LONRF1: variants seen among roughly 807,000 people sequenced by gnomAD.
LONRF1 encodes LON peptidase N-terminal domain and RING finger protein 1.
In LONRF1, 37 loss-of-function variants were observed where a neutral mutation model predicts 85.8. The ratio of observed to expected loss-of-function variants is 0.43; its 90% confidence interval spans 0.33 to 0.57. The LOEUF (loss-of-function observed/expected upper bound fraction) is 0.57. Among genes scored for constraint, LONRF1 ranks in the 20% least tolerant of loss-of-function variants. The probability of loss-of-function intolerance (pLI) is 0.04; values close to 1 mark genes in which losing one functional copy is unlikely to be tolerated. For synonymous variants in LONRF1, 517 were observed against 390.1 expected (o/e 1.33, Z -3.83); for missense variants, 1,036 against 978.0 (o/e 1.06, Z -0.79).
chr8:12,743,070 C>A (rs1164749531), intron 2 of LONRF1, 94 bp downstream of exon 2: 22 of 794,282 alleles, frequency 2.8e-5, no homozygotes, highest in Non-Finnish European at 4.4e-5. Context: ...TGGAGTCAAC[C>A]ATCTACTTTG....
chr8:12,725,945 G>A lies in LONRF1; in HGVS notation c.2011-66C>T, dbSNP rs550970713. Reference sequence around the variant, plus strand: ...CCCGTCCATATGCCATATGCCAACCGACACAAATGGAAAAAGGGATCAGAA... The same window carrying A: ...CCCGTCCATATGCCATATGCCAACCAACACAAATGGAAAAAGGGATCAGAA... On this transcript the variant is annotated intron_variant, in intron 10 of 11. Transcript: ENST00000398246. 124 of 1,447,942 alleles carry A rather than the reference G, an allele frequency of 8.6e-5. 2 individuals carry two copies. The South Asian group carries it at 9.8e-4, about 11-fold the overall frequency. The allele number at this position is 1,447,942 out of a possible 1,614,324, so 89.7% of individuals were successfully genotyped here.
At chr8:12,738,260 T>C (rs1266451968) in intron 3 of LONRF1, 116 bp from the exon 4 acceptor site, 10 of 701,276 alleles carry the variant, frequency 1.4e-5, no homozygotes, top group East Asian at 3.1e-5. Flanking sequence ...ATTTTTTTAA[T>C]GAGCAGGAGG....
intron 11 of LONRF1, 68 bp from the exon 12 acceptor site, chr8:12,723,322 C>A: frequency 1.4e-6 from 2 of 1,426,514 alleles, no homozygotes; most frequent in African/African-American, 1.4e-5. Context: ...AGCAAACCAC[C>A]AAAAAATTAC....
chr8:12,727,961 T>C (rs1798383899), intron 10 of LONRF1, among the ~76,000 whole-genome samples: 1 of 152,220 alleles, frequency 6.6e-6, no homozygotes, highest in South Asian at 2.1e-4. Flanking sequence ...ACATTATCTA[T>C]AGGCTCTCAG....
At position 12,755,311 on chromosome 8, in the gene LONRF1, C is replaced by G. The variant is rs1209430545; in HGVS notation, c.110G>C (p.Arg37Pro). 1.6e-6 allele frequency: 2 copies of G among 1,249,834 alleles called. No individual in the cohort carries two copies. Among genetic ancestry groups the G allele is most frequent in the East Asian group, 3.5e-5 (1 of 28,378 alleles). 77.4% of individuals were successfully genotyped at this position (1,249,834 alleles called of 1,614,324 possible). Residue 37 changes from arginine (R) to proline (P), a missense_variant, in exon 1 of 12, where the codon CGG becomes CCG. Transcript: ENST00000398246. ...CGACTCCGCGGCCGCGCGCTCCAGCCGATGGCCGCTGCCGCCGCCCACTTC... is the reference window on the plus strand; with the variant it reads ...CGACTCCGCGGCCGCGCGCTCCAGCGGATGGCCGCTGCCGCCGCCCACTTC... ...FWEVGGGSGHRLERAAAESER... is the reference protein window; with the variant it reads ...FWEVGGGSGHPLERAAAESER...
chr8:12,742,743 T>A (rs1355710314), intron 2 of LONRF1, among the ~76,000 whole-genome samples: 1 of 45,308 alleles, frequency 2.2e-5, no homozygotes, highest in Non-Finnish European at 6.3e-5. Flanking sequence ...ATATTGAACC[T>A]AGATTTTTTT....
chr8:12,748,392 C>T (rs899907224), intron 1 of LONRF1, among the ~76,000 whole-genome samples: 8 of 108,550 alleles, frequency 7.4e-5, no homozygotes, highest in African/African-American at 2.2e-4. Context: ...AGATACGGTA[C>T]CACTATGTTG....
At chr8:12,745,048 G>A (rs1021194667) in intron 1 of LONRF1, among the ~76,000 whole-genome samples, 9 of 151,894 alleles carry the variant, frequency 5.9e-5, no homozygotes, top group African/African-American at 1.2e-4. Context: ...CAGAAGACCC[G>A]TCTTTGAAAA....
chr8:12,754,643 C>T (rs916608910), intron 1 of LONRF1, 57 bp downstream of exon 1: 12 of 1,259,084 alleles, frequency 9.5e-6, no homozygotes, highest in African/African-American at 7.8e-5. Flanking sequence ...GGGTCCCCGG[C>T]CCTCGGGGCC....
At chr8:12,724,558 C>A (rs994004745) in intron 11 of LONRF1, among the ~76,000 whole-genome samples, 1 of 152,102 alleles carries the variant, frequency 6.6e-6, no homozygotes, top group South Asian at 2.1e-4. Context: ...GGGAAAATGA[C>A]GGGTGGTTGC....
At position 12,736,989 on chromosome 8, in the gene LONRF1, T is replaced by C. The variant is rs769598755; in HGVS notation, c.1265A>G (p.Lys422Arg). Reference sequence around the variant, plus strand: ...CAACTTTCTTTTCAGCAGAACACCTTTTTCTTGAACTGACAGAACAGGTTC... The same window carrying C: ...CAACTTTCTTTTCAGCAGAACACCTCTTTCTTGAACTGACAGAACAGGTTC... The part of the protein sequence containing the change: ...SSEPVLSVQE[K>R]GVLLKRKLSL... The change falls in exon 5 of 12, where the codon AAA becomes AGA. Residue 422 changes from lysine (K) to arginine (R), a missense_variant. By Grantham distance (26) the Lys-to-Arg change is conservative. This residue lies in a region of LONRF1 where 742 missense variants were observed against 614.4 expected (regional missense o/e 1.21). Coordinates refer to ENST00000398246, the MANE Select transcript of LONRF1 (RefSeq NM_152271.5). The C allele has an allele frequency of 1.2e-6, 2 of 1,613,640 alleles. No homozygotes were observed. Among genetic ancestry groups the C allele is most frequent in the Admixed American group, 3.3e-5 (2 of 59,966 alleles).
intron 7 of LONRF1, among the ~76,000 whole-genome samples, chr8:12,735,056 AT>A (rs909275324): frequency 5.3e-5 from 8 of 152,094 alleles, no homozygotes; most frequent in Admixed American, 2.6e-4. Context: ...AAAAAAAAAA[AT>A]TAAGTACAAG....
At chr8:12,753,448 T>A (rs1043503695) in intron 1 of LONRF1, 2 of 152,018 alleles carry the variant, frequency 1.3e-5, no homozygotes, top group Non-Finnish European at 2.9e-5. Flanking sequence ...GAAATACGCG[T>A]AACACAAGGT....
intron 1 of LONRF1, 123 bp downstream of exon 1, chr8:12,754,577 A>C: frequency 3.8e-6 from 4 of 1,046,784 alleles, no homozygotes; most frequent in Non-Finnish European, 4.7e-6. Flanking sequence ...CCGACACGCC[A>C]GCGGCCCAGC....
intron 7 of LONRF1, among the ~76,000 whole-genome samples, chr8:12,732,835 G>A (rs1369092769): frequency 6.6e-6 from 1 of 152,116 alleles, no homozygotes; most frequent in African/African-American, 2.4e-5. Flanking sequence ...TTTGTACAAA[G>A]AAAATGCCCA....
At position 12,735,408 on chromosome 8, in the gene LONRF1, C is replaced by G; in HGVS notation, c.1452-8G>C. The G allele has an allele frequency of 6.5e-7, 1 of 1,548,014 alleles. No individual in the cohort carries two copies. Among genetic ancestry groups the G allele is most frequent in the African/African-American group, 1.4e-5 (1 of 73,652 alleles). On this transcript the variant is annotated splice_polypyrimidine_tract_variant and splice_region_variant and intron_variant, in intron 6 of 11. Coordinates refer to ENST00000398246, the MANE Select transcript of LONRF1 (RefSeq NM_152271.5). Reference sequence around the variant, plus strand: ...ACTGGCTCAAAAAACAACCTGAAATCAACCAAGATACATGTTAGTTTTCAC... The same window carrying G: ...ACTGGCTCAAAAAACAACCTGAAATGAACCAAGATACATGTTAGTTTTCAC...
At chr8:12,736,823 T>A in intron 5 of LONRF1, 26 bp from the exon 6 acceptor site, 22 of 1,588,274 alleles carry the variant, frequency 1.4e-5, no homozygotes, top group Non-Finnish European at 1.7e-5. Flanking sequence ...CATGGGGTTT[T>A]CTTCCTTAGG....
At chr8:12,752,278 T>C (rs899031918) in intron 1 of LONRF1, among the ~76,000 whole-genome samples, 2 of 152,220 alleles carry the variant, frequency 1.3e-5, no homozygotes, top group Admixed American at 1.3e-4. Flanking sequence ...AGCCTAAGGA[T>C]TGTACAAACA....
intron 8 of LONRF1, 101 bp downstream of exon 8, chr8:12,731,635 T>C (rs1388228281): frequency 2.1e-6 from 2 of 975,528 alleles, no homozygotes; most frequent in East Asian, 2.5e-5. Context: ...ACTTCTTGAC[T>C]AGACTGAGAT....
Sources: gnomAD v4.1 joint callset for allele counts (sites outside exome capture counted in the v4.1 genomes callset) on GRCh38, gnomAD v4.1.1 for gene constraint, gnomAD v4.1.1 regional missense constraint, MANE v1.5 for transcripts, NCBI Gene and HGNC (gene_info 2026-07-23, HGNC 2026-07-21) for gene names.